PDE4D: variants seen among roughly 807,000 people sequenced by gnomAD.
The protein encoded by PDE4D is phosphodiesterase 4D.
In PDE4D, 24 loss-of-function variants were observed where a neutral mutation model predicts 87.4. That is an observed-to-expected ratio of 0.27 (90% CI 0.20 to 0.39). The LOEUF (loss-of-function observed/expected upper bound fraction) is 0.39, where lower values mean the gene tolerates loss of function less well. Among genes scored for constraint, PDE4D ranks in the 10% least tolerant of loss-of-function variants. The probability of loss-of-function intolerance (pLI) is 1.00; values close to 1 mark genes in which losing one functional copy is unlikely to be tolerated. For synonymous variants in PDE4D, 384 were observed against 383.2 expected (o/e 1.00, Z -0.02); for missense variants, 714 against 1,041.0 (o/e 0.69, Z 4.32).
chr5:59,149,706 G>GTTTTTT (rs76421367), intron 5 of PDE4D, among the ~76,000 whole-genome samples: 3,918 of 69,222 alleles, frequency 0.057, 736 homozygotes, highest in Non-Finnish European at 0.078. Context: ...CTCTCCTCGA[G>GTTTTTT]TTTTTTTTTT....
intron 1 of PDE4D, chr5:59,217,281 A>G (rs1751466274): frequency 2.2e-6 from 1 of 455,772 alleles, no homozygotes; most frequent in African/African-American, 2.0e-5. Flanking sequence ...ATAAATAAAC[A>G]TGTGAATTCA....
At chr5:59,481,323 A>C (rs1343293155) in intron 1 of PDE4D, among the ~76,000 whole-genome samples, 1 of 151,840 alleles carries the variant, frequency 6.6e-6, no homozygotes, top group African/African-American at 2.4e-5. Context: ...TGCTTGTTCA[A>C]TATGGCAGTT....
intron 3 of PDE4D, among the ~76,000 whole-genome samples, chr5:59,920,070 A>C (rs1392533078): frequency 6.6e-6 from 1 of 152,218 alleles, no homozygotes. Context: ...TAAAACCATA[A>C]GTAAAATTTA....
At chr5:59,246,362 T>C (rs1314481184) in intron 1 of PDE4D, among the ~76,000 whole-genome samples, 1 of 152,096 alleles carries the variant, frequency 6.6e-6, no homozygotes, top group Non-Finnish European at 1.5e-5. Flanking sequence ...AAAAATGAGC[T>C]TGCCATTACA....
rs75823342 is a variant in PDE4D at position 59,615,838 on chromosome 5, C to T, written c.455+277330G>A. The stretch of plus-strand genomic sequence containing the variant: ...AAATGAGGGTTAGACCAAAAGAGGA[C>T]TATCTTACAGCGAAGTATAGGTCTA... On this transcript the variant is annotated intron_variant, in intron 1 of 14. Transcript: ENST00000340635. Among the ~76,000 whole-genome samples the T allele has an allele frequency of 7.1e-3, 1,087 of 152,228 alleles. 16 individuals are homozygous for T. Among genetic ancestry groups the T allele is most frequent in the African/African-American group, 0.024 (1,005 of 41,538 alleles).
At chr5:59,894,329 C>A (rs991573939), upstream of PDE4D, among the ~76,000 whole-genome samples, 1 of 152,200 alleles carries the variant, frequency 6.6e-6, no homozygotes, top group Non-Finnish European at 1.5e-5. Context: ...CATGCTGGTG[C>A]TTCCAAAGAT....
chr5:59,506,223 T>G (rs1172106210), intron 1 of PDE4D, among the ~76,000 whole-genome samples: 1 of 152,194 alleles, frequency 6.6e-6, no homozygotes, highest in Non-Finnish European at 1.5e-5. Flanking sequence ...ATACTAACTT[T>G]TCAAGACTTC....
At chr5:58,977,084 T>A (rs1744004274) in intron 12 of PDE4D, 107 bp downstream of exon 12, 1 of 981,306 alleles carries the variant, frequency 1.0e-6, no homozygotes. Flanking sequence ...GGCCATAATA[T>A]GTTTTGAAAT....
intron 1 of PDE4D, among the ~76,000 whole-genome samples, chr5:59,683,538 C>A (rs1266402921): frequency 6.6e-6 from 1 of 152,072 alleles, no homozygotes; most frequent in Non-Finnish European, 1.5e-5. Context: ...CTTTTTGATA[C>A]CTTACATATT....
intron 1 of PDE4D, among the ~76,000 whole-genome samples, chr5:59,394,443 CT>C (rs1582354565): frequency 1.3e-5 from 2 of 152,028 alleles, no homozygotes; most frequent in African/African-American, 2.4e-5. Flanking sequence ...CTGGTATTTT[CT>C]TTTTTTGCCC....
chr5:59,011,555 GATGAAATGA>G (rs571014172), intron 6 of PDE4D, among the ~76,000 whole-genome samples: 1,532 of 152,172 alleles, frequency 0.01, 23 homozygotes, highest in African/African-American at 0.035. Context: ...AGTGATTGAA[GATGAAATGA>G]ATGAAATGAA....
intron 1 of PDE4D, among the ~76,000 whole-genome samples, chr5:59,426,230 T>G (rs549890700): frequency 1.4e-4 from 21 of 152,332 alleles, no homozygotes; most frequent in African/African-American, 4.6e-4. Flanking sequence ...AAATTTCTGC[T>G]GTTTAAGCCA....
chr5:59,678,106 G>A (rs1748413241), intron 1 of PDE4D, among the ~76,000 whole-genome samples: 2 of 152,064 alleles, frequency 1.3e-5, no homozygotes, highest in Non-Finnish European at 2.9e-5. Context: ...TCTAACAATT[G>A]ATCAAATACC....
At chr5:59,215,626 A>T in intron 2 of PDE4D, 151 bp downstream of exon 2, 2 of 625,596 alleles carry the variant, frequency 3.2e-6, no homozygotes, top group Non-Finnish European at 5.6e-6. Context: ...TAAATCTACC[A>T]TTCATTTCTA....
intron 1 of PDE4D, among the ~76,000 whole-genome samples, chr5:59,640,478 C>T (rs1050747143): frequency 2.0e-5 from 3 of 152,132 alleles, no homozygotes; most frequent in Non-Finnish European, 2.9e-5. Context: ...ATTCTTATGG[C>T]AAAGTAGGTT....
intron 1 of PDE4D, among the ~76,000 whole-genome samples, chr5:59,548,321 G>A (rs1333260925): frequency 6.6e-6 from 1 of 152,132 alleles, no homozygotes; most frequent in Non-Finnish European, 1.5e-5. Flanking sequence ...CTTACTCTTT[G>A]CTATCTTTAT....
At chr5:60,362,466 T>G (rs992913593) in intron 1 of PDE4D, among the ~76,000 whole-genome samples, 6 of 152,254 alleles carry the variant, frequency 3.9e-5, no homozygotes, top group African/African-American at 1.4e-4. Flanking sequence ...TTGATGAGGA[T>G]TAAATCTCAA....
intron 1 of PDE4D, among the ~76,000 whole-genome samples, chr5:60,467,020 A>AT (rs969859661): frequency 6.6e-6 from 1 of 151,314 alleles, no homozygotes; most frequent in East Asian, 1.9e-4. Context: ...AATTTTAAAT[A>AT]TTTTTTTATT....
intron 2 of PDE4D, among the ~76,000 whole-genome samples, chr5:60,064,159 A>G (rs796965437): frequency 5.3e-5 from 8 of 152,238 alleles, no homozygotes; most frequent in African/African-American, 1.9e-4. Context: ...TAAAAATAAT[A>G]AATCTATTTC....
Sources: gnomAD v4.1 joint callset for allele counts (sites outside exome capture counted in the v4.1 genomes callset) on GRCh38, gnomAD v4.1.1 for gene constraint, MANE v1.5 for transcripts, NCBI Gene and HGNC (gene_info 2026-07-23, HGNC 2026-07-21) for gene names.